LIG1: variants seen among roughly 807,000 people sequenced by gnomAD.
LIG1 encodes the protein ligase I, DNA, ATP-dependent.
Under a neutral mutation model 115.7 loss-of-function variants are expected in LIG1, and 70 were observed. That is an observed-to-expected ratio of 0.60 (90% CI 0.50 to 0.74). The LOEUF (loss-of-function observed/expected upper bound fraction) is 0.74. LIG1 is among the 30% of genes least tolerant of loss of function. LIG1 has a pLI of 0.00. For synonymous variants in LIG1, 487 were observed against 495.3 expected (o/e 0.98, Z 0.22); for missense variants, 1,115 against 1,225.6 (o/e 0.91, Z 1.35).
At chr19:48,116,535 G>T (rs2032846993) in intron 26 of LIG1, among the ~76,000 whole-genome samples, 1 of 152,038 alleles carries the variant, frequency 6.6e-6, no homozygotes, top group Admixed American at 6.6e-5. Context: ...CGGCGCCAGG[G>T]TATGGGTTCT....
At chr19:48,153,772 ACCT>A in intron 6 of LIG1, 97 bp downstream of exon 6, 2 of 343,456 alleles carry the variant, frequency 5.8e-6, no homozygotes, top group Non-Finnish European at 4.9e-6. Context: ...ACACACACAC[ACCT>A]CTCCTTCTGG....
At chr19:48,167,411 C>T (rs986853725) in intron 1 of LIG1, among the ~76,000 whole-genome samples, 9 of 152,016 alleles carry the variant, frequency 5.9e-5, no homozygotes, top group Non-Finnish European at 8.8e-5. Flanking sequence ...CCCATGGGGT[C>T]CCCTTTCGTT....
rs778018139 is a variant in LIG1 at position 48,140,120 on chromosome 19, C to T, written c.938G>A (p.Ser313Asn). Residue 313 changes from serine (S) to asparagine (N), a missense_variant, in exon 12 of 28, where the codon AGC becomes AAC. Physicochemically the swap from Ser to Asn is conservative, Grantham distance 46 (BLOSUM62 1). Transcript: ENST00000263274. ...GGCCACCACGGAGCGCAGCAAGTTG[C>T]TCAGCGTCTCCACCATCCGGAGCCT... Reference protein sequence around the residue: ...SARLRMVETLSNLLRSVVALS... With the variant: ...SARLRMVETLNNLLRSVVALS... 1.2e-6 allele frequency: 2 copies of T among 1,613,612 alleles called. No homozygotes were observed. Among genetic ancestry groups the T allele is most frequent in the South Asian group, 2.2e-5 (2 of 91,074 alleles).
chr19:48,145,358 G>A (rs1246672108), intron 9 of LIG1, among the ~76,000 whole-genome samples: 1 of 152,124 alleles, frequency 6.6e-6, no homozygotes, highest in Non-Finnish European at 1.5e-5. Flanking sequence ...GGGAGCTAAG[G>A]GGTCCCTACT....
At chr19:48,117,869 G>A (rs1007065142) in intron 25 of LIG1, 88 bp from the exon 26 acceptor site, 1 of 1,445,158 alleles carries the variant, frequency 6.9e-7, no homozygotes, top group Admixed American at 2.0e-5. Flanking sequence ...AGGGAGGAAG[G>A]GAAAAAAACA....
chr19:48,147,253 AATT>A (rs1447817494), intron 9 of LIG1: 8 of 152,104 alleles, frequency 5.3e-5, no homozygotes, highest in Admixed American at 2.0e-4. Context: ...CTTTTCCGTT[AATT>A]TTTTTTTAGC....
In LIG1 at chr19:48,123,000, C is replaced by T. The variant is rs2033401081; in HGVS notation, c.2166G>A (p.Leu722=). The T allele has an allele frequency of 1.9e-6, 3 of 1,613,686 alleles. No individual in the cohort carries two copies. Among genetic ancestry groups the T allele is most frequent in the Non-Finnish European group, 2.5e-6 (3 of 1,179,968 alleles). Residue 722 remains leucine (L), a synonymous_variant, in exon 23 of 28, where the codon CTG becomes CTA. Coordinates refer to ENST00000263274, the MANE Select transcript of LIG1 (RefSeq NM_000234.3). This position sits in a 1 kb window ranked among gnomAD's most constrained non-coding sequence, Gnocchi z 4.3. ...CATCAACATCCAGGGTCTTCACCAT[C>T]AGCCCCTCGCAGGAGTCTGAGGGAG... ...EQSVKDSCEG[L]MVKTLDVDAT...
rs1362474249 is a variant in LIG1, at chr19:48,153,945, C to A, written c.393G>T (p.Arg131=). 6.2e-7 allele frequency: 1 copy of A among 1,613,720 alleles called. No homozygotes were observed. Among genetic ancestry groups the A allele is most frequent in the South Asian group, 1.1e-5 (1 of 91,034 alleles). The part of the protein sequence containing the change: ...RRTARKQLPK[R]TIQEVLEEQS... The stretch of plus-strand genomic sequence containing the variant: ...GCTCTTCCAGGACTTCCTGAATGGT[C>A]CGTTTCGGGAGCTGCTTCCGAGCTG... Residue 131 remains arginine (R), a synonymous_variant, in exon 6 of 28, where the codon CGG becomes CGT. Coordinates refer to ENST00000263274, the MANE Select transcript of LIG1 (RefSeq NM_000234.3).
At chr19:48,163,197 C>A (rs2036284344) in intron 2 of LIG1, among the ~76,000 whole-genome samples, 1 of 150,120 alleles carries the variant, frequency 6.7e-6, no homozygotes, top group Non-Finnish European at 1.5e-5. Context: ...GGATTACAGG[C>A]ATGTGCCCCC....
chr19:48,134,587 G>A (rs2034260681), intron 16 of LIG1, among the ~76,000 whole-genome samples: 1 of 152,246 alleles, frequency 6.6e-6, no homozygotes, highest in African/African-American at 2.4e-5. Context: ...GAACCCTGGA[G>A]GCGGAAGTTG....
intron 4 of LIG1, among the ~76,000 whole-genome samples, chr19:48,159,073 T>A (rs1452080911): frequency 7.0e-6 from 1 of 142,564 alleles, no homozygotes; most frequent in Admixed American, 7.2e-5. Flanking sequence ...GATACAGGTC[T>A]CAGATAATTT....
chr19:48,127,963 G>A lies in LIG1; in HGVS notation c.1879C>T (p.Arg627Trp), dbSNP rs762816837. 4.5e-5 allele frequency: 73 copies of A among 1,614,014 alleles called. No homozygotes were observed. Among genetic ancestry groups the A allele is most frequent in the South Asian group, 6.6e-5 (6 of 91,080 alleles). Residue 627 changes from arginine to tryptophan, a missense_variant, in exon 20 of 28, where the codon CGG becomes TGG. By Grantham distance (101) the Arg-to-Trp change is moderately radical (BLOSUM62 -3). Coordinates refer to ENST00000263274, the MANE Select transcript of LIG1 (RefSeq NM_000234.3). Reference protein sequence around the residue: ...ILDTEAVAWDREKKQIQPFQV... With the variant: ...ILDTEAVAWDWEKKQIQPFQV... Reference sequence around the variant, plus strand: ...AATGGCTGGATCTGCTTCTTTTCCCGGTCCCAAGCCACGGCTTCGGTGTCC... The same window carrying A: ...AATGGCTGGATCTGCTTCTTTTCCCAGTCCCAAGCCACGGCTTCGGTGTCC...
intron 5 of LIG1, 126 bp from the exon 6 acceptor site, chr19:48,154,093 C>G: frequency 1.3e-6 from 1 of 786,684 alleles, no homozygotes; most frequent in Non-Finnish European, 2.3e-6. Context: ...TGCCTGCACA[C>G]AGTCACTGCC....
chr19:48,143,051 C>G (rs2034876538), intron 11 of LIG1, among the ~76,000 whole-genome samples: 1 of 152,100 alleles, frequency 6.6e-6, no homozygotes, highest in African/African-American at 2.4e-5. Context: ...CAGGGACCAG[C>G]GATGCTAACA....
At chr19:48,164,610 G>A (rs889223612) in intron 2 of LIG1, among the ~76,000 whole-genome samples, 7 of 152,238 alleles carry the variant, frequency 4.6e-5, no homozygotes, top group African/African-American at 1.7e-4. Flanking sequence ...ACCGCTAAGA[G>A]GGGAGAGCCC....
intron 16 of LIG1, 75 bp downstream of exon 16, chr19:48,135,605 G>C (rs2034328888): frequency 8.6e-7 from 1 of 1,165,704 alleles, no homozygotes; most frequent in African/African-American, 1.5e-5. Context: ...CCCACCCACT[G>C]CTCCTCTGGC....
chr19:48,153,690 ACCTCTCCTTCTGGGGGCT>A (rs2035628348), intron 6 of LIG1, among the ~76,000 whole-genome samples, 164 bp downstream of exon 6: 2 of 62,472 alleles, frequency 3.2e-5, no homozygotes, highest in Non-Finnish European at 3.1e-5. Context: ...ACACACACAC[ACCTCTCCTTCTGGGGGCT>A]CACCTTCCTC....
At chr19:48,134,825 G>A (rs758155861) in intron 16 of LIG1, among the ~76,000 whole-genome samples, 9 of 152,260 alleles carry the variant, frequency 5.9e-5, no homozygotes, top group Non-Finnish European at 1.2e-4. Flanking sequence ...TCAGCACCCA[G>A]TGGGGGGCCC....
intron 14 of LIG1, 71 bp from the exon 15 acceptor site, chr19:48,136,196 TCTC>T (rs1297365045): frequency 4.3e-6 from 5 of 1,175,570 alleles, no homozygotes; most frequent in African/African-American, 1.5e-5. Flanking sequence ...CCTTCTCTGA[TCTC>T]CTCGACCTTG....
Sources: allele counts gnomAD v4.1 joint callset (sites outside exome capture counted in the v4.1 genomes callset), GRCh38; gene constraint gnomAD v4.1.1; non-coding constraint Gnocchi (gnomAD v3.1); transcripts MANE v1.5; gene names NCBI Gene and HGNC (gene_info 2026-07-23, HGNC 2026-07-21).